The following ATP8B3 variants were observed in gnomAD, a reference collection of about 807,000 sequenced individuals.
ATP8B3 encodes the protein phospholipid-transporting ATPase IK.
In ATP8B3, 141 loss-of-function variants were observed where a neutral mutation model predicts 140.9. The ratio of observed to expected loss-of-function variants is 1.00; its 90% CI spans 0.87 to 1.15. The LOEUF is 1.15. ATP8B3 is among the 50% of genes most tolerant of loss of function. ATP8B3 has a pLI of 0.00. For synonymous variants in ATP8B3, 765 were observed against 714.6 expected, an observed-to-expected ratio of 1.07 and a Z score of -1.13; for missense variants, 1,874 against 1,740.6, an observed-to-expected ratio of 1.08 and a Z score of -1.36.
chr19:1,785,014 G>A (rs1334967264), intron 27 of ATP8B3, 68 bp from the exon 28 acceptor site: 12 of 1,535,800 alleles, frequency 7.8e-6, no homozygotes, highest in East Asian at 4.6e-5. Flanking sequence ...GCTAGGGAGC[G>A]CCTTGGTGCC....
Position 1,806,131 on chromosome 19 carries a change from T to A in ATP8B3, c.716A>T (p.Asp239Val). The A allele has an allele frequency of 1.2e-6, 2 of 1,600,990 alleles. No homozygotes were observed. Among genetic ancestry groups the A allele is most frequent in the Non-Finnish European group, 1.7e-6 (2 of 1,174,626 alleles). ...QKKWQDLCVG[D>V]VVCLRKDNIV... ...GTTGTCCTTGCGGAGACAGACCACA[T>A]CCCCCACGCACAGATCCTGCCATTT... is the stretch of plus-strand genomic sequence containing the variant. Residue 239 changes from aspartate (D) to valine (V), a missense_variant, in exon 8 of 29, where the codon GAT (aspartate) becomes GTT (valine). Around this residue, in one of 3 missense-constraint regions of ATP8B3, gnomAD observed 1,032 missense variants for 963.6 expected, o/e 1.07. Coordinates refer to ENST00000310127, the MANE Select transcript of ATP8B3 (RefSeq NM_138813.4). The surrounding 1 kb of genome is among the most constrained non-coding windows in gnomAD (Gnocchi z 5.6).
chr19:1,805,829 G>A lies in ATP8B3; in HGVS notation c.821+59C>T. On this transcript the variant is annotated intron_variant, in intron 9 of 28. Transcript: ENST00000310127. The surrounding 1 kb of genome is among the most constrained non-coding windows in gnomAD (Gnocchi z 5.2). Reference sequence around the variant, plus strand: ...GCCTCCTTGGTGACTGGGGAAGGGGGCTCCTCCGGGCCATGCTCCCCACCC... The same window carrying A: ...GCCTCCTTGGTGACTGGGGAAGGGGACTCCTCCGGGCCATGCTCCCCACCC... The A allele has an allele frequency of 6.3e-7, 1 of 1,598,164 alleles. No individual in the cohort carries two copies. The highest frequency in any genetic ancestry group is 8.6e-7 in the Non-Finnish European group (1 of 1,168,166).
intron 3 of ATP8B3, 128 bp from the exon 4 acceptor site, chr19:1,809,862 CGTAAA>C: frequency 1.3e-6 from 1 of 795,146 alleles, no homozygotes; most frequent in South Asian, 1.5e-5. Context: ...TGTCAGAGCC[CGTAAA>C]CAGACAGTCG....
intron 3 of ATP8B3, among the ~76,000 whole-genome samples, chr19:1,809,963 C>T (rs1055717603): frequency 6.6e-6 from 1 of 152,222 alleles, no homozygotes; most frequent in African/African-American, 2.4e-5. Flanking sequence ...CCACCCACAC[C>T]CCCAGCCAGG....
intron 14 of ATP8B3, 57 bp downstream of exon 14, chr19:1,799,890 C>A: frequency 6.7e-7 from 1 of 1,501,070 alleles, no homozygotes; most frequent in Middle Eastern, 1.7e-4. Context: ...TTCTCAGGCA[C>A]CCTGAGCCCC....
Position 1,800,325 on chromosome 19 carries a change from G to C in ATP8B3, c.1277C>G (p.Ser426Cys), listed in dbSNP as rs775743109. 1.2e-6 allele frequency: 2 copies of C among 1,612,990 alleles called. No individual in the cohort carries two copies. The highest frequency in any genetic ancestry group is 1.6e-4 in the Middle Eastern group (1 of 6,062). ...GVHGSSVAAESFFVFWSFLIL... is the reference protein window; with the variant it reads ...GVHGSSVAAECFFVFWSFLIL... ...GAGGAAGCTCCAGAAGACGAAGAAGGACTCTGCGGCCACGCTGCTCCCATG... is the reference window on the plus strand; with the variant it reads ...GAGGAAGCTCCAGAAGACGAAGAAGCACTCTGCGGCCACGCTGCTCCCATG... Residue 426 changes from serine (S) to cysteine (C), a missense_variant, in exon 13 of 29, where the codon TCC becomes TGC. Ser to Cys is a moderately radical substitution (Grantham distance 112). Transcript: ENST00000310127. This position sits in a 1 kb window ranked among gnomAD's most constrained non-coding sequence, Gnocchi z 4.4.
chr19:1,811,732 C>T lies in ATP8B3; in HGVS notation c.5G>A (p.Gly2Asp), dbSNP rs1211867601. 6.3e-7 allele frequency: 1 copy of T among 1,588,874 alleles called. No individual in the cohort carries two copies. The highest frequency in any genetic ancestry group is 1.1e-5 in the South Asian group (1 of 89,462). ...CCTGGGAGTCTGAGCGGGGCCAGTG[C>T]CCATTCACCGCATGAGGAAAAGGGA... M[G>D]TGPAQTPRST... Residue 2 changes from glycine to aspartate, a missense_variant, in exon 2 of 29, where the codon GGC (glycine) becomes GAC (aspartate). Gly to Asp is a moderately conservative substitution (Grantham distance 94, BLOSUM62 -1). Around this residue, in one of 3 missense-constraint regions of ATP8B3, gnomAD observed 1,032 missense variants for 963.6 expected, o/e 1.07. Coordinates refer to ENST00000310127, the MANE Select transcript of ATP8B3 (RefSeq NM_138813.4).
rs772777145 is a variant in ATP8B3 at position 1,810,726 on chromosome 19, C to T, written c.249-43G>A. On this transcript the variant is annotated intron_variant, in intron 2 of 28. Coordinates refer to ENST00000310127, the MANE Select transcript of ATP8B3 (RefSeq NM_138813.4). Reference sequence around the variant, plus strand: ...CCCGGGTCACAGCAGTGACCCCAGCCCTTGCTGGGCACCACTCGGTCTTCA... The same window carrying T: ...CCCGGGTCACAGCAGTGACCCCAGCTCTTGCTGGGCACCACTCGGTCTTCA... 4.4e-6 allele frequency: 7 copies of T among 1,580,164 alleles called. No individual in the cohort carries two copies. In the South Asian group the frequency reaches 5.7e-5, roughly 13 times the overall value.
At chr19:1,788,052 A>G (rs2068364324) in intron 24 of ATP8B3, among the ~76,000 whole-genome samples, 1 of 152,086 alleles carries the variant, frequency 6.6e-6, no homozygotes, top group Non-Finnish European at 1.5e-5. Context: ...AAAAGGTAAT[A>G]ATAATAAAAA....
intron 26 of ATP8B3, 56 bp downstream of exon 26, chr19:1,785,413 G>T: frequency 1.3e-6 from 2 of 1,586,652 alleles, no homozygotes; most frequent in African/African-American, 1.3e-5. Context: ...GTCCCCAGGG[G>T]AGGAGGCCTC....
At position 1,785,248 on chromosome 19, in the gene ATP8B3, A is replaced by G. The variant is rs1169596230; in HGVS notation, c.3443T>C (p.Leu1148Pro). ...GATGGCGTAGAAACCAAGGCTGAGG[A>G]GGATGGTCGCCACGCACAGGGCGGT... Reference protein sequence around the residue: ...YWTALCVATILLSLGFYAIMT... With the variant: ...YWTALCVATIPLSLGFYAIMT... Residue 1148 changes from leucine to proline, a missense_variant, in exon 27 of 29, where the codon CTC (leucine) becomes CCC (proline). Physicochemically the swap from Leu to Pro is moderately conservative, Grantham distance 98. Around this residue, in one of 3 missense-constraint regions of ATP8B3, gnomAD observed 840 missense variants for 760.9 expected, o/e 1.10. Coordinates refer to ENST00000310127, the MANE Select transcript of ATP8B3 (RefSeq NM_138813.4). 1.3e-5 allele frequency: 21 copies of G among 1,609,786 alleles called. No homozygotes were observed. Among genetic ancestry groups the G allele is most frequent in the Non-Finnish European group, 1.5e-5 (18 of 1,178,132 alleles).
chr19:1,783,353 G>A, intron 28 of ATP8B3, 83 bp from the exon 29 acceptor site: 1 of 1,493,662 alleles, frequency 6.7e-7, no homozygotes, highest in Non-Finnish European at 9.0e-7. Flanking sequence ...GGAGAGGCAG[G>A]ATTCAAAGCC....
Position 1,806,444 on chromosome 19 carries a change from G to A in ATP8B3, c.677+184C>T. 6.9e-7 allele frequency: 1 copy of A among 1,449,778 alleles called. No individual in the cohort carries two copies. The highest frequency in any genetic ancestry group is 9.0e-7 in the Non-Finnish European group (1 of 1,107,496). 89.8% of individuals were successfully genotyped at this position (1,449,778 alleles called of 1,614,324 possible). On this transcript the variant is annotated intron_variant, in intron 7 of 28. Coordinates refer to ENST00000310127, the MANE Select transcript of ATP8B3 (RefSeq NM_138813.4). The surrounding 1 kb of genome is among the most constrained non-coding windows in gnomAD (Gnocchi z 5.6). ...TAAGCTCTGCAAGGGTTCGCCATCA[G>A]GGCCTCGGCCTCTGTCCTCGTCCCG...
At position 1,791,217 on chromosome 19, in the gene ATP8B3, C is replaced by CT. The variant is rs887948814; in HGVS notation, c.2303-386dup. The stretch of plus-strand genomic sequence containing the variant: ...CCGACAGAGGGCACCCTGAAAATCA[C>CT]TTTTTTTTTTTTTGACAAGGGCTCA... On this transcript the variant is annotated intron_variant, in intron 20 of 28. Coordinates refer to ENST00000310127, the MANE Select transcript of ATP8B3 (RefSeq NM_138813.4). Among the ~76,000 whole-genome samples the CT allele has an allele frequency of 1.6e-3, 233 of 146,098 alleles. 1 individual carries two copies. The highest frequency in any genetic ancestry group is 3.9e-3 in the Admixed American group (57 of 14,520).
rs775479121 is a variant in ATP8B3, at chr19:1,797,004, C to T, written c.1554G>A (p.Gly518=). ...GTCGGGTCGTGGCCTCTGAATCCGGCCCTGGGGAAAGACACAGCTTCCTGC... is the reference window on the plus strand; with the variant it reads ...GTCGGGTCGTGGCCTCTGAATCCGGTCCTGGGGAAAGACACAGCTTCCTGC... The part of the protein sequence containing the change: ...NKCCISGRVY[G]PDSEATTRPK... The change falls in exon 15 of 29, where the codon GGG becomes GGA. Residue 518 remains glycine, a splice_region_variant and synonymous_variant. Transcript: ENST00000310127. 2 of 1,613,104 alleles carry T rather than the reference C, an allele frequency of 1.2e-6. No individual in the cohort carries two copies.
rs771823313 is a variant in ATP8B3 at position 1,811,508 on chromosome 19, A to G, written c.229T>C (p.Tyr77His). The G allele has an allele frequency of 7.4e-6, 12 of 1,611,510 alleles. No individual in the cohort carries two copies. The highest frequency in any genetic ancestry group is 1.0e-5 in the Non-Finnish European group (12 of 1,179,582). Residue 77 changes from tyrosine to histidine, a missense_variant, in exon 2 of 29, where the codon TAT (tyrosine) becomes CAT (histidine). Physicochemically the swap from Tyr to His is moderately conservative, Grantham distance 83. Transcript: ENST00000310127. ...CCTCACCCTTCTGGTCTCCATTCAT[A>G]CTTCCTAGCCCGGCCAGGCTGGGCC... is the stretch of plus-strand genomic sequence containing the variant. ...HKAQPGRARKYEWRPEGPTSM... is the reference protein window; with the variant it reads ...HKAQPGRARKHEWRPEGPTSM...
At chr19:1,790,674 C>T (rs554085725) in intron 21 of ATP8B3, 83 bp downstream of exon 21, 15 of 1,237,268 alleles carry the variant, frequency 1.2e-5, no homozygotes, top group South Asian at 5.9e-5. Flanking sequence ...TTGGGCTCCC[C>T]GTCCAGTGAG....
At position 1,792,054 on chromosome 19, in the gene ATP8B3, G is replaced by A. The variant is rs372525246; in HGVS notation, c.2137C>T (p.Arg713Cys). Residue 713 changes from arginine (R) to cysteine (C), a missense_variant, in exon 19 of 29, where the codon CGC becomes TGC. Physicochemically the swap from Arg to Cys is radical, Grantham distance 180. Around this residue, in one of 3 missense-constraint regions of ATP8B3, gnomAD observed 2 missense variants for 16.1 expected, o/e 0.12. Coordinates refer to ENST00000310127, the MANE Select transcript of ATP8B3 (RefSeq NM_138813.4). ...AGCAGGAGGCTGGCCTCCTGGTGGC[G>A]CTGCTGCCAGTCCTCGTAAATGTCC... Reference protein sequence around the residue: ...AEDIYEDWQQRHQEASLLLQN... With the variant: ...AEDIYEDWQQCHQEASLLLQN... 19 of 1,558,620 alleles carry A rather than the reference G, an allele frequency of 1.2e-5. No individual in the cohort carries two copies. Among genetic ancestry groups the A allele is most frequent in the Middle Eastern group, 1.7e-4 (1 of 6,008 alleles).
At chr19:1,790,041 C>G in intron 21 of ATP8B3, 52 bp from the exon 22 acceptor site, 1 of 1,409,152 alleles carries the variant, frequency 7.1e-7, no homozygotes, top group South Asian at 1.2e-5. Flanking sequence ...CTTCTCCCCA[C>G]TTCCCCGGGG....
Sources: allele counts gnomAD v4.1 joint callset (sites outside exome capture counted in the v4.1 genomes callset), GRCh38; gene constraint gnomAD v4.1.1; regional missense constraint gnomAD v4.1.1; non-coding constraint Gnocchi (gnomAD v3.1); transcripts MANE v1.5; gene names NCBI Gene and HGNC (gene_info 2026-07-23, HGNC 2026-07-21).